Variants in PTGER3 observed in about 807,000 individuals in gnomAD.
The protein encoded by PTGER3 is prostaglandin E2 receptor EP3 subtype.
In PTGER3, 22 loss-of-function variants were observed where a neutral mutation model predicts 34.7. The ratio of observed to expected loss-of-function variants is 0.63; its 90% confidence interval spans 0.45 to 0.91. The LOEUF (loss-of-function observed/expected upper bound fraction) is 0.91. PTGER3 is among the 40% of genes least tolerant of loss of function. PTGER3 has a pLI of 0.00. For missense variants in PTGER3, 468 were observed against 519.4 expected, an observed-to-expected ratio of 0.90 and a Z score of 0.96; for synonymous variants, 241 against 230.1, an observed-to-expected ratio of 1.05 and a Z score of -0.43.
chr1:70,937,657 A>G (rs901751546), intron 4 of PTGER3, among the ~76,000 whole-genome samples: 3 of 152,262 alleles, frequency 2.0e-5, no homozygotes, highest in Admixed American at 1.3e-4. Flanking sequence ...TGAAGTGGTC[A>G]CTCTCACATA....
At chr1:70,927,389 A>G (rs1648206337) in intron 4 of PTGER3, among the ~76,000 whole-genome samples, 1 of 152,170 alleles carries the variant, frequency 6.6e-6, no homozygotes. Flanking sequence ...ATTGTTTAAG[A>G]TGACTTTTAA....
At chr1:70,888,765 T>C (rs1646550532) in intron 4 of PTGER3, among the ~76,000 whole-genome samples, 1 of 151,896 alleles carries the variant, frequency 6.6e-6, no homozygotes, top group South Asian at 2.1e-4. Context: ...TTTTTTTTTC[T>C]GATGGAAAAG....
intron 4 of PTGER3, among the ~76,000 whole-genome samples, chr1:70,857,691 C>T (rs1160244516): frequency 6.6e-6 from 1 of 152,010 alleles, no homozygotes; most frequent in Non-Finnish European, 1.5e-5. Context: ...ACCGCCACCA[C>T]GCCCGGCTAA....
chr1:70,863,746 G>T (rs763730120), intron 4 of PTGER3, among the ~76,000 whole-genome samples: 3 of 151,428 alleles, frequency 2.0e-5, no homozygotes, highest in Admixed American at 6.6e-5. Flanking sequence ...AAGGCATTTT[G>T]GTAGCAATAA....
chr1:70,969,364 C>A (rs1413619833), downstream of PTGER3, among the ~76,000 whole-genome samples: 2 of 152,162 alleles, frequency 1.3e-5, no homozygotes, highest in Non-Finnish European at 2.9e-5. Context: ...TTATGTTAAT[C>A]TTGTACATAA....
chr1:70,972,856 A>T (rs925011824), intron 3 of PTGER3, among the ~76,000 whole-genome samples: 1 of 152,252 alleles, frequency 6.6e-6, no homozygotes, highest in East Asian at 1.9e-4. Flanking sequence ...CACTAACATG[A>T]TACTGAATTT....
intron 1 of PTGER3, among the ~76,000 whole-genome samples, chr1:71,040,099 G>GGAAAGAAA (rs779376856): frequency 8.0e-6 from 1 of 124,814 alleles, no homozygotes; most frequent in African/African-American, 3.1e-5. Flanking sequence ...AAAGAAAGAA[G>GGAAAGAAA]GAAAGAAAGA....
chr1:70,976,732 A>G (rs1231081562), intron 2 of PTGER3, among the ~76,000 whole-genome samples: 1 of 152,042 alleles, frequency 6.6e-6, no homozygotes, highest in Admixed American at 6.6e-5. Flanking sequence ...CTTTAATTTC[A>G]TTTCATGCTT....
intron 1 of PTGER3, among the ~76,000 whole-genome samples, chr1:71,037,583 A>C (rs1659949840): frequency 6.6e-6 from 1 of 152,198 alleles, no homozygotes; most frequent in South Asian, 2.1e-4. Flanking sequence ...TTTCCTAATA[A>C]GTTTTTACGT....
At chr1:70,979,313 A>G (rs1302204485) in intron 2 of PTGER3, among the ~76,000 whole-genome samples, 1 of 152,106 alleles carries the variant, frequency 6.6e-6, no homozygotes, top group Non-Finnish European at 1.5e-5. Context: ...TGAAAAAAAA[A>G]AAAGCTGAGT....
downstream of PTGER3, among the ~76,000 whole-genome samples, chr1:70,947,856 T>C (rs1650365360): frequency 6.6e-6 from 1 of 152,172 alleles, no homozygotes; most frequent in Non-Finnish European, 1.5e-5. Context: ...GTTCTAAAAA[T>C]GTTTACATAT....
intron 4 of PTGER3, among the ~76,000 whole-genome samples, chr1:70,916,045 A>G (rs903171456): frequency 9.2e-5 from 14 of 152,080 alleles, no homozygotes; most frequent in Admixed American, 8.5e-4. Flanking sequence ...AGCAAAAAAC[A>G]GATAACCCAA....
chr1:70,934,469 T>C (rs1032597828), intron 4 of PTGER3, among the ~76,000 whole-genome samples: 1 of 152,208 alleles, frequency 6.6e-6, no homozygotes, highest in Non-Finnish European at 1.5e-5. Context: ...ACTAGCTTAT[T>C]TTAATCTTCT....
chr1:71,019,370 C>A (rs932537671), intron 1 of PTGER3, among the ~76,000 whole-genome samples: 2 of 152,170 alleles, frequency 1.3e-5, no homozygotes, highest in Non-Finnish European at 2.9e-5. Context: ...CCAATTCTAG[C>A]TGAACGGAGC....
intron 1 of PTGER3, among the ~76,000 whole-genome samples, chr1:71,013,483 A>T (rs1164981610): frequency 6.6e-6 from 1 of 152,112 alleles, no homozygotes; most frequent in Admixed American, 6.5e-5. Flanking sequence ...CAGGCGGATC[A>T]CTTGAGGTCA....
chr1:71,007,325 A>C (rs1572914461), intron 2 of PTGER3: 1 of 985,812 alleles, frequency 1.0e-6, no homozygotes, highest in Non-Finnish European at 1.2e-6. Context: ...TTTGTACAAA[A>C]ACATTTGATA....
chr1:71,022,897 C>G (rs541410835), intron 1 of PTGER3, among the ~76,000 whole-genome samples: 2 of 151,810 alleles, frequency 1.3e-5, no homozygotes. Context: ...TGTCTAGCCC[C>G]TGGATCTTAT....
chr1:70,934,368 T>C (rs1225266722), intron 4 of PTGER3, among the ~76,000 whole-genome samples: 1 of 152,206 alleles, frequency 6.6e-6, no homozygotes, highest in East Asian at 1.9e-4. Context: ...ATCACGAAGA[T>C]GCCTCAGCGT....
chr1:70,932,984 A>G (rs1372829355), intron 4 of PTGER3, among the ~76,000 whole-genome samples: 1 of 152,112 alleles, frequency 6.6e-6, no homozygotes, highest in Non-Finnish European at 1.5e-5. Flanking sequence ...TCTCTCAGTA[A>G]CTATACTAAA....
Sources: allele counts gnomAD v4.1 joint callset (sites outside exome capture counted in the v4.1 genomes callset), GRCh38; gene constraint gnomAD v4.1.1; transcripts MANE v1.5; gene names NCBI Gene and HGNC (gene_info 2026-07-23, HGNC 2026-07-21).